TSPAN14: variants seen among roughly 807,000 people sequenced by gnomAD.
TSPAN14 encodes tetraspanin 14.
A neutral mutation model predicts 36.6 loss-of-function variants in TSPAN14; 16 were observed. That is an observed-to-expected ratio of 0.44 (90% CI 0.30 to 0.66). TSPAN14 has a LOEUF of 0.66. Among genes scored for constraint, TSPAN14 ranks in the 30% least tolerant of loss-of-function variants. TSPAN14 has a pLI of 0.12. For missense variants in TSPAN14, 231 were observed against 355.1 expected (o/e 0.65, Z 2.81); for synonymous variants, 139 against 143.8 (o/e 0.97, Z 0.24).
intron 2 of TSPAN14, among the ~76,000 whole-genome samples, chr10:80,504,012 G>A (rs1840139230): frequency 6.6e-6 from 1 of 152,204 alleles, no homozygotes; most frequent in Admixed American, 6.5e-5. Context: ...ATGGGGTATG[G>A]GTTCCTGCAG....
At chr10:80,456,462 A>G (rs906866195) in intron 1 of TSPAN14, among the ~76,000 whole-genome samples, 1 of 152,162 alleles carries the variant, frequency 6.6e-6, no homozygotes, top group Non-Finnish European at 1.5e-5. Context: ...TCTGCCCTGA[A>G]GGTTGTGGCG....
chr10:80,480,206 G>T (rs1204045581), intron 1 of TSPAN14, among the ~76,000 whole-genome samples: 1 of 150,444 alleles, frequency 6.6e-6, no homozygotes, highest in Non-Finnish European at 1.5e-5. Context: ...GAGACAATGG[G>T]GTTTTCTAGA....
Position 80,502,523 on chromosome 10 carries a change from C to T in TSPAN14, c.82-2205C>T, listed in dbSNP as rs530223230. Among the ~76,000 whole-genome samples the T allele has an allele frequency of 3.3e-5, 5 of 152,184 alleles. No individual in the cohort carries two copies. The East Asian group carries it at 9.7e-4, about 30-fold the overall frequency. ...ACTGTGTATTTGGAGGCAGAACCAGCAGAGGGTCCTCTGGGTTGAGTGTAG... is the reference window on the plus strand; with the variant it reads ...ACTGTGTATTTGGAGGCAGAACCAGTAGAGGGTCCTCTGGGTTGAGTGTAG... On this transcript the variant is annotated intron_variant, in intron 2 of 8. Transcript: ENST00000429989.
At chr10:80,506,316 T>C (rs1840301000) in intron 3 of TSPAN14, among the ~76,000 whole-genome samples, 1 of 152,212 alleles carries the variant, frequency 6.6e-6, no homozygotes, top group Non-Finnish European at 1.5e-5. Flanking sequence ...TCTGATTAGT[T>C]GAGGCGGTCT....
At chr10:80,473,990 GC>G (rs1309442506) in intron 1 of TSPAN14, among the ~76,000 whole-genome samples, 3 of 152,160 alleles carry the variant, frequency 2.0e-5, no homozygotes, top group Admixed American at 2.0e-4. Flanking sequence ...ATATTCGCCT[GC>G]CCCCTCCTAG....
exon 9 of TSPAN14, chr10:80,518,561 A>C (rs1841081544): frequency 6.4e-6 from 1 of 156,748 alleles, no homozygotes; most frequent in African/African-American, 2.4e-5. Flanking sequence ...AGCCATGTTC[A>C]AGTGAAGTAA....
intron 1 of TSPAN14, among the ~76,000 whole-genome samples, chr10:80,477,873 G>A (rs532642849): frequency 6.6e-5 from 10 of 152,196 alleles, no homozygotes; most frequent in Admixed American, 5.2e-4. Flanking sequence ...AGATGAAAAG[G>A]GGCCTCACTG....
chr10:80,484,114 A>G (rs1847459750), intron 1 of TSPAN14, among the ~76,000 whole-genome samples: 1 of 150,172 alleles, frequency 6.7e-6, no homozygotes, highest in Non-Finnish European at 1.5e-5. Context: ...GCCTGGTGGC[A>G]TGCACCTGTG....
In TSPAN14 at chr10:80,514,569, C is replaced by G. The variant is rs1177795373; in HGVS notation, c.621+506C>G. ...CAAAGAGAAGGAAGACCCCACCCCA[C>G]TCCAGTCCTTGTTCTAGTGGTCTTT... On this transcript the variant is annotated intron_variant, in intron 7 of 8. Transcript: ENST00000429989. 2.0e-5 allele frequency among the ~76,000 whole-genome samples: 3 copies of G among 152,142 alleles called. No homozygotes were observed. The East Asian group carries it at 5.8e-4, about 29-fold the overall frequency.
chr10:80,507,140 T>A, intron 3 of TSPAN14, 88 bp from the exon 4 acceptor site: 2 of 1,526,782 alleles, frequency 1.3e-6, no homozygotes, highest in Non-Finnish European at 1.8e-6. Context: ...AGCAAGTCCC[T>A]GTTTTCAGTA....
intron 1 of TSPAN14, among the ~76,000 whole-genome samples, chr10:80,463,383 C>T (rs767598773): frequency 7.9e-5 from 12 of 152,182 alleles, no homozygotes; most frequent in Non-Finnish European, 1.5e-4. Flanking sequence ...CTATTTCTAT[C>T]CCTGACCCCT....
chr10:80,516,995 G>C (rs1840973777), intron 8 of TSPAN14, among the ~76,000 whole-genome samples: 1 of 152,224 alleles, frequency 6.6e-6, no homozygotes, highest in Admixed American at 6.5e-5. Context: ...AACTGGCAGA[G>C]AAAGTCAAGA....
Position 80,509,241 on chromosome 10 carries a change from G to C in TSPAN14, c.280-60G>C. 5 of 1,560,724 alleles carry C rather than the reference G, an allele frequency of 3.2e-6. No homozygotes were observed. The highest frequency in any genetic ancestry group is 4.4e-6 in the Non-Finnish European group (5 of 1,145,074). ...GTGGTTCTGGGTCAGGTGGGGTTAT[G>C]TGTGTGGGGGTGCAGGCTGGTGGGG... On this transcript the variant is annotated intron_variant, in intron 4 of 8. Coordinates refer to ENST00000429989, the Ensembl canonical transcript of TSPAN14. This position sits in a 1 kb window ranked among gnomAD's most constrained non-coding sequence, Gnocchi z 4.7.
chr10:80,478,822 G>GA (rs1847072422), intron 1 of TSPAN14, among the ~76,000 whole-genome samples: 1 of 152,202 alleles, frequency 6.6e-6, no homozygotes, highest in Admixed American at 6.5e-5. Flanking sequence ...AGGAGGTCGA[G>GA]ACCAGCCTGG....
intron 1 of TSPAN14, among the ~76,000 whole-genome samples, chr10:80,479,410 G>A (rs1464608497): frequency 2.0e-5 from 3 of 152,178 alleles, no homozygotes; most frequent in South Asian, 2.1e-4. Context: ...TTCTTCTAGG[G>A]TTTTTATGGT....
intron 1 of TSPAN14, among the ~76,000 whole-genome samples, chr10:80,474,960 T>C (rs1846774557): frequency 6.6e-6 from 1 of 152,158 alleles, no homozygotes; most frequent in Admixed American, 6.5e-5. Context: ...GGAATTGAGA[T>C]TCCACATTTC....
intron 5 of TSPAN14, among the ~76,000 whole-genome samples, chr10:80,511,636 C>G (rs1564744937): frequency 6.6e-6 from 1 of 151,328 alleles, no homozygotes; most frequent in Non-Finnish European, 1.5e-5. Context: ...ACAGAGGAGG[C>G]ACCGTGGCCC....
chr10:80,488,530 G>A (rs996200837), intron 1 of TSPAN14, among the ~76,000 whole-genome samples: 7 of 151,734 alleles, frequency 4.6e-5, no homozygotes, highest in African/African-American at 1.7e-4. Flanking sequence ...GAGGTGGAGT[G>A]GGGGGCGAGT....
At chr10:80,460,994 C>CT (rs935351893) in intron 1 of TSPAN14, among the ~76,000 whole-genome samples, 1 of 152,178 alleles carries the variant, frequency 6.6e-6, no homozygotes, top group Non-Finnish European at 1.5e-5. Context: ...CTGCACACTC[C>CT]TGCTGCCTTC....
Sources: allele counts gnomAD v4.1 joint callset (sites outside exome capture counted in the v4.1 genomes callset), GRCh38; gene constraint gnomAD v4.1.1; non-coding constraint Gnocchi (gnomAD v3.1); transcripts MANE v1.5; gene names NCBI Gene and HGNC (gene_info 2026-07-23, HGNC 2026-07-21).